The following SMARCB1 variants were observed in gnomAD, a reference collection of about 807,000 sequenced individuals.
SMARCB1 encodes SWI/SNF-related matrix-associated actin-dependent regulator of chromatin subfamily B member 1.
A neutral mutation model predicts 49.0 loss-of-function variants in SMARCB1; 5 were observed. That is an observed-to-expected ratio of 0.10 (90% confidence interval 0.05 to 0.21). SMARCB1 has a LOEUF of 0.21. Ranked by LOEUF, SMARCB1 falls within the 10% of genes least tolerant of loss-of-function variation. The probability of loss-of-function intolerance (pLI) is 1.00; values close to 1 mark genes in which losing one functional copy is unlikely to be tolerated. For missense variants in SMARCB1, 226 were observed against 509.2 expected, an observed-to-expected ratio of 0.44 and a Z score of 5.35; for synonymous variants, 201 against 200.1, an observed-to-expected ratio of 1.00 and a Z score of -0.04.
In SMARCB1 at chr22:23,837,446, G is replaced by GGAT; in HGVS notation, c.*3266_*3267insGAT. Reference sequence around the variant, plus strand: ...CCTCACTCCCATCAGGACCGTGCAAGCATCAGTAGATCCGTCCTGACGATG... The same window carrying GGAT: ...CCTCACTCCCATCAGGACCGTGCAAGGATCATCAGTAGATCCGTCCTGACGATG... On this transcript the variant is annotated 3_prime_UTR_variant, in exon 9 of 9. Transcript: ENST00000644036. 1.5e-6 allele frequency: 1 copy of GGAT among 652,148 alleles called. No homozygotes were observed. Among genetic ancestry groups the GGAT allele is most frequent in the African/African-American group, 1.8e-5 (1 of 54,882 alleles). 40.4% of individuals were successfully genotyped at this position (652,148 alleles called of 1,614,324 possible).
intron 6 of SMARCB1, among the ~76,000 whole-genome samples, chr22:23,821,150 C>G (rs2030065667): frequency 6.6e-6 from 1 of 152,248 alleles, no homozygotes; most frequent in Non-Finnish European, 1.5e-5. Flanking sequence ...GTGATTCCCA[C>G]CTGGGGGATG....
At chr22:23,795,783 G>A (rs141099952) in intron 3 of SMARCB1, among the ~76,000 whole-genome samples, 2,613 of 150,498 alleles carry the variant, frequency 0.017, 61 homozygotes, top group South Asian at 0.099. Flanking sequence ...ATGTGTGCTG[G>A]AGGTGCTTTT....
At chr22:23,788,794 T>G (rs140058800) in intron 1 of SMARCB1, among the ~76,000 whole-genome samples, 71 of 152,308 alleles carry the variant, frequency 4.7e-4, no homozygotes, top group Middle Eastern at 3.4e-3. Context: ...ATGGTCACAC[T>G]GAGTCCCATG....
chr22:23,831,372 C>T (rs2030649367), intron 7 of SMARCB1, among the ~76,000 whole-genome samples: 1 of 152,218 alleles, frequency 6.6e-6, no homozygotes. Context: ...GCATCCCCTG[C>T]CTGGGTATCT....
At position 23,837,137 on chromosome 22, in the gene SMARCB1, T is replaced by TA. The variant is rs2031124292; in HGVS notation, c.*2958dup. 1 of 1,613,722 alleles carries TA rather than the reference T, an allele frequency of 6.2e-7. No individual in the cohort carries two copies. Among genetic ancestry groups the TA allele is most frequent in the African/African-American group, 1.3e-5 (1 of 74,876 alleles). On this transcript the variant is annotated 3_prime_UTR_variant, in exon 9 of 9. Coordinates refer to ENST00000644036, the MANE Select transcript of SMARCB1 (RefSeq NM_003073.5). ...AAGACGTCCTCCAGGAAGTAGTAGA[T>TA]ATGGCCCACCGCAATCCCTGTGAGA...
chr22:23,803,003 A>T (rs1568942933), intron 4 of SMARCB1: 15 of 500,226 alleles, frequency 3.0e-5, no homozygotes, highest in Non-Finnish European at 1.8e-5. Context: ...GTCCTGCCAA[A>T]TTTCAGGCTT....
Position 23,791,819 on chromosome 22 carries a change from C to T in SMARCB1, c.157C>T (p.Arg53Ter), listed in dbSNP as rs1928400256. 2 of 1,613,276 alleles carry T rather than the reference C, an allele frequency of 1.2e-6. No homozygotes were observed. The highest frequency in any genetic ancestry group is 1.7e-6 in the Non-Finnish European group (2 of 1,179,260). Reference sequence around the variant, plus strand: ...CAAGAGATACCCCTCACTCTGGAGGCGACTAGCCACTGTGGAAGAGAGGAA... The same window carrying T: ...CAAGAGATACCCCTCACTCTGGAGGTGACTAGCCACTGTGGAAGAGAGGAA... Reference protein sequence around the residue: ...LYKRYPSLWRRLATVEERKKI... With the variant: ...LYKRYPSLWR The change falls in exon 2 of 9, where the codon CGA (arginine) becomes TGA (stop). Residue 53 changes from arginine to a stop codon, truncating the protein, a stop_gained. Transcript: ENST00000644036. LOFTEE classifies it high-confidence loss of function.
At chr22:23,828,809 T>G (rs2186369) in intron 7 of SMARCB1, among the ~76,000 whole-genome samples, 26,195 of 152,130 alleles carry the variant, frequency 0.17, 2,458 homozygotes, top group African/African-American at 0.26. Context: ...CATGGTACAG[T>G]GGGGCAAGCT....
chr22:23,803,260 C>G, intron 4 of SMARCB1, 35 bp from the exon 5 acceptor site: 1 of 1,613,874 alleles, frequency 6.2e-7, no homozygotes, highest in Non-Finnish European at 8.5e-7. Context: ...GGGCTCCGGC[C>G]CCCTCGCTGA....
intron 3 of SMARCB1, among the ~76,000 whole-genome samples, chr22:23,796,115 A>G (rs541525194): frequency 6.6e-6 from 1 of 152,192 alleles, no homozygotes; most frequent in East Asian, 1.9e-4. Context: ...TCTGTAAAGC[A>G]TCCTGACATC....
In SMARCB1 at chr22:23,836,926, A is replaced by C. The variant is rs1452347283; in HGVS notation, c.*2746A>C. On this transcript the variant is annotated 3_prime_UTR_variant, in exon 9 of 9. Coordinates refer to ENST00000644036, the MANE Select transcript of SMARCB1 (RefSeq NM_003073.5). ...GCTGTTCCTCAGGGAGGGGCAGGTA[A>C]TTGGGGTCTTCTGCAGGGGCATCCA... is the stretch of plus-strand genomic sequence containing the variant. 1.3e-6 allele frequency: 2 copies of C among 1,551,924 alleles called. No individual in the cohort carries two copies. The highest frequency in any genetic ancestry group is 2.5e-5 in the South Asian group (2 of 81,462).
chr22:23,792,305 G>A, intron 2 of SMARCB1: 1 of 351,590 alleles, frequency 2.8e-6, no homozygotes, highest in Admixed American at 3.8e-5. Flanking sequence ...CTTGCTTCCT[G>A]GAGCACATCC....
rs12160092 is a variant in SMARCB1 at position 23,801,139 on chromosome 22, C to T, written c.500+58C>T. ...CTGATTCCGCCTTAGTTCTCCAGCACGTTTCAGTTCCTTCCTCCCCAGAAA... is the reference window on the plus strand; with the variant it reads ...CTGATTCCGCCTTAGTTCTCCAGCATGTTTCAGTTCCTTCCTCCCCAGAAA... On this transcript the variant is annotated intron_variant, in intron 4 of 8. Transcript: ENST00000644036. 2.2e-5 allele frequency: 36 copies of T among 1,613,652 alleles called. No individual in the cohort carries two copies. The highest frequency in any genetic ancestry group is 2.2e-4 in the East Asian group (10 of 44,874).
chr22:23,834,810 G>A lies in SMARCB1; in HGVS notation c.*630G>A, dbSNP rs1374093435. On this transcript the variant is annotated 3_prime_UTR_variant, in exon 9 of 9. Transcript: ENST00000644036. The stretch of plus-strand genomic sequence containing the variant: ...GCCTTTCAGGAACAGCCCTAACCCT[G>A]CTCCCCTTGCTTGGCCTCAGGAAGG... 1.2e-6 allele frequency: 2 copies of A among 1,606,384 alleles called. No individual in the cohort carries two copies. Among genetic ancestry groups the A allele is most frequent in the Non-Finnish European group, 1.7e-6 (2 of 1,176,924 alleles).
At chr22:23,807,163 G>T (rs1043052858) in intron 5 of SMARCB1, among the ~76,000 whole-genome samples, 7 of 152,146 alleles carry the variant, frequency 4.6e-5, no homozygotes, top group Non-Finnish European at 1.0e-4. Context: ...CCCAGAAGGG[G>T]AACAAGGGGA....
rs1390668754 is a variant in SMARCB1, at chr22:23,833,708, C to T, written c.1118+5C>T. The T allele has an allele frequency of 8.7e-6, 14 of 1,613,988 alleles. No individual in the cohort carries two copies. Among genetic ancestry groups the T allele is most frequent in the Admixed American group, 8.3e-5 (5 of 60,024 alleles). The stretch of plus-strand genomic sequence containing the variant: ...CGACCAGGACAGGAACACGAGGTAC[C>T]CCTGGCCCTGTGGTCCTGGGCTCTG... On this transcript the variant is annotated splice_donor_5th_base_variant and intron_variant, in intron 8 of 8. Coordinates refer to ENST00000644036, the MANE Select transcript of SMARCB1 (RefSeq NM_003073.5).
intron 5 of SMARCB1, chr22:23,816,386 G>A (rs2073391): frequency 0.43 from 164,865 of 382,852 alleles, 39,477 homozygotes; most frequent in Admixed American, 0.52. Flanking sequence ...GTGCCATCAC[G>A]TCTGCCACCA....
chr22:23,794,513 T>TA (rs1375443521), intron 3 of SMARCB1, among the ~76,000 whole-genome samples: 2 of 152,056 alleles, frequency 1.3e-5, no homozygotes, highest in Non-Finnish European at 2.9e-5. Context: ...CCTCATTTCT[T>TA]AAAAAAACAT....
chr22:23,795,420 C>T (rs1928679433), intron 3 of SMARCB1, among the ~76,000 whole-genome samples: 1 of 152,080 alleles, frequency 6.6e-6, no homozygotes, highest in African/African-American at 2.4e-5. Context: ...CTTTGGGAGG[C>T]CGAGGCGGGC....
Sources: gnomAD v4.1 joint callset for allele counts (sites outside exome capture counted in the v4.1 genomes callset) on GRCh38, gnomAD v4.1.1 for gene constraint, MANE v1.5 for transcripts, NCBI Gene and HGNC (gene_info 2026-07-23, HGNC 2026-07-21) for gene names.